Variants in FGF13 observed in about 807,000 individuals in gnomAD.
FGF13 encodes fibroblast growth factor homologous factor 2.
A neutral mutation model predicts 19.5 loss-of-function variants in FGF13; 2 were observed. The observed-to-expected ratio is 0.10, with a 90% CI of 0.04 to 0.32. The LOEUF (loss-of-function observed/expected upper bound fraction) is 0.32. Ranked by LOEUF, FGF13 falls within the 10% of genes least tolerant of loss-of-function variation. The pLI is 1.00. For missense variants in FGF13, 113 were observed against 192.7 expected, an observed-to-expected ratio of 0.59 and a Z score of 2.45; for synonymous variants, 72 against 76.9, an observed-to-expected ratio of 0.94 and a Z score of 0.33.
intron 1 of FGF13, among the ~76,000 whole-genome samples, chrX:138,954,973 G>A (rs770197365): frequency 8.9e-6 from 1 of 112,168 alleles, no homozygotes; most frequent in Non-Finnish European, 1.9e-5. Context: ...AGGGAGGAAA[G>A]GGAGAATCTT....
chrX:139,109,324 T>G (rs1329815024), intron 1 of FGF13, among the ~76,000 whole-genome samples: 2 of 111,495 alleles, frequency 1.8e-5, no homozygotes, highest in Non-Finnish European at 1.9e-5. Flanking sequence ...AAAAATGCTC[T>G]CAGATGTCAA....
At chrX:138,944,138 G>A in intron 1 of FGF13, among the ~76,000 whole-genome samples, 1 of 111,348 alleles carries the variant, frequency 9.0e-6, no homozygotes, top group East Asian at 2.9e-4. Context: ...AGAGAAAGAA[G>A]ATTGAGACTC....
chrX:139,064,044 C>T lies in FGF13; in HGVS notation c.-113+139372G>A, dbSNP rs184593191. ...GGTATGTTATTAGATGAACCAGGTT[C>T]AGGATGGTTATTTTGTGTATGAAAT... On this transcript the variant is annotated intron_variant, in intron 1 of 2. Coordinates refer to the FGF13 transcript ENST00000421460. 7.2e-5 allele frequency among the ~76,000 whole-genome samples: 8 copies of T among 110,871 alleles called. No homozygotes were observed. The Admixed American group carries it at 7.7e-4, about 11-fold the overall frequency.
chrX:139,083,532 G>A (rs2083384232), intron 1 of FGF13, among the ~76,000 whole-genome samples: 1 of 112,220 alleles, frequency 8.9e-6, no homozygotes, highest in Admixed American at 9.4e-5. Context: ...CACTGAGTCT[G>A]AGATTATGCC....
chrX:139,134,915 T>A (rs1245434575), intron 1 of FGF13, among the ~76,000 whole-genome samples: 1 of 110,994 alleles, frequency 9.0e-6, no homozygotes, highest in Non-Finnish European at 1.9e-5. Flanking sequence ...CCCAAAGTAC[T>A]GGGATTACAC....
chrX:138,704,168 T>C (rs891551142), intron 2 of FGF13, among the ~76,000 whole-genome samples: 2 of 111,594 alleles, frequency 1.8e-5, no homozygotes, highest in African/African-American at 6.5e-5. Flanking sequence ...TTTAGCAAAA[T>C]AGTTGCAAGT....
At chrX:138,932,819 T>A (rs2091710992) in intron 1 of FGF13, among the ~76,000 whole-genome samples, 1 of 109,402 alleles carries the variant, frequency 9.1e-6, no homozygotes, top group African/African-American at 3.3e-5. Flanking sequence ...TCAGTAGCCA[T>A]CCTGGGCTGT....
intron 1 of FGF13, among the ~76,000 whole-genome samples, chrX:138,969,153 GA>G (rs1343670982): frequency 8.9e-6 from 1 of 111,740 alleles, no homozygotes; most frequent in Non-Finnish European, 1.9e-5. Context: ...TGAAAAACTC[GA>G]AAAACAGAAA....
intron 1 of FGF13, among the ~76,000 whole-genome samples, chrX:138,972,574 G>A (rs2091922918): frequency 9.1e-6 from 1 of 110,083 alleles, no homozygotes; most frequent in South Asian, 4.0e-4. Context: ...AGCCAGGATG[G>A]TCTCGATCTC....
intron 3 of FGF13, among the ~76,000 whole-genome samples, chrX:138,804,232 C>T (rs767480754): frequency 8.9e-6 from 1 of 112,448 alleles, no homozygotes; most frequent in African/African-American, 3.2e-5. Context: ...AAGCACTCTG[C>T]TTCTGATTTA....
intron 1 of FGF13, among the ~76,000 whole-genome samples, chrX:139,152,320 A>C (rs1388293194): frequency 2.0e-5 from 2 of 100,620 alleles, no homozygotes; most frequent in African/African-American, 6.8e-5. Context: ...AAGTTAAAAA[A>C]AAAAACAAAA....
At chrX:139,009,353 A>G (rs1257817280) in intron 1 of FGF13, among the ~76,000 whole-genome samples, 1 of 111,850 alleles carries the variant, frequency 8.9e-6, no homozygotes. Flanking sequence ...CACAGTCATC[A>G]GGTTATCTAA....
chrX:139,075,832 C>CTTT (rs749792834), intron 1 of FGF13, among the ~76,000 whole-genome samples: 8 of 32,541 alleles, frequency 2.5e-4, no homozygotes, highest in East Asian at 7.9e-4. Flanking sequence ...ATGTGTATTT[C>CTTT]TTTTTTTTTT....
chrX:139,052,822 T>C (rs1328724835), intron 1 of FGF13, among the ~76,000 whole-genome samples: 1 of 111,628 alleles, frequency 9.0e-6, no homozygotes, highest in Non-Finnish European at 1.9e-5. Context: ...TATTTTATTT[T>C]ATTTTTATTT....
chrX:138,939,376 C>T (rs1204073766), intron 1 of FGF13, among the ~76,000 whole-genome samples: 1 of 111,608 alleles, frequency 9.0e-6, no homozygotes, highest in Admixed American at 9.5e-5. Flanking sequence ...ATTGCAAATC[C>T]TCAGCTTTTT....
chrX:139,156,089 G>A (rs1257127195), intron 1 of FGF13, among the ~76,000 whole-genome samples: 1 of 111,933 alleles, frequency 8.9e-6, no homozygotes, highest in Non-Finnish European at 1.9e-5. Context: ...TACAATTTCA[G>A]AGACTCTTTT....
chrX:138,995,555 TAC>T (rs2092038522), intron 1 of FGF13, among the ~76,000 whole-genome samples: 1 of 112,334 alleles, frequency 8.9e-6, no homozygotes, highest in Non-Finnish European at 1.9e-5. Context: ...AATGAGAACA[TAC>T]AGTGTTTGGT....
intron 3 of FGF13, among the ~76,000 whole-genome samples, chrX:138,659,764 C>T (rs1490566298): frequency 9.0e-6 from 1 of 111,689 alleles, no homozygotes; most frequent in African/African-American, 3.3e-5. Context: ...TGCAGGGACA[C>T]AGATGAAGCT....
At chrX:139,023,954 A>G (rs2092189977) in intron 1 of FGF13, among the ~76,000 whole-genome samples, 1 of 111,040 alleles carries the variant, frequency 9.0e-6, no homozygotes, top group Admixed American at 9.6e-5. Flanking sequence ...CATAATCAGG[A>G]AAAAATTTCA....
Sources: gnomAD v4.1 joint callset for allele counts (sites outside exome capture counted in the v4.1 genomes callset) on GRCh38, gnomAD v4.1.1 for gene constraint, MANE v1.5 for transcripts, NCBI Gene and HGNC (gene_info 2026-07-23, HGNC 2026-07-21) for gene names.